Variants in EME2 observed in about 807,000 individuals in gnomAD.
EME2 encodes essential meiotic structure-specific endonuclease subunit 2.
In EME2, 58 loss-of-function variants were observed where a neutral mutation model predicts 41.9. That is an observed-to-expected ratio of 1.38 (90% CI 1.12 to 1.72). The LOEUF is 1.72. Ranked by LOEUF, EME2 falls within the 40% of genes most tolerant of loss-of-function variation. EME2 has a pLI of 0.00. For missense variants in EME2, 695 were observed against 541.9 expected, an observed-to-expected ratio of 1.28 and a Z score of -2.81; for synonymous variants, 334 against 239.3, an observed-to-expected ratio of 1.40 and a Z score of -3.65.
In EME2 at chr16:1,780,817, T is replaced by G; in HGVS notation, c.*4579T>G. 1 of 278,270 alleles carries G rather than the reference T, an allele frequency of 3.6e-6. No homozygotes were observed. The highest frequency in any genetic ancestry group is 7.1e-6 in the Non-Finnish European group (1 of 141,378). The allele number at this position is 278,270 out of a possible 1,614,324, so 17.2% of individuals were successfully genotyped here. A position where few individuals can be genotyped will look rare whatever the true frequency, so the allele number is the denominator to read the frequency against. On this transcript the variant is annotated 3_prime_UTR_variant, in exon 8 of 8. Transcript: ENST00000568449. ...GTGTGATCACGGCTCACTGCAGCCTTGACCTCCCTGGCTCAAGCAATCCTC... is the reference window on the plus strand; with the variant it reads ...GTGTGATCACGGCTCACTGCAGCCTGGACCTCCCTGGCTCAAGCAATCCTC...
At position 1,773,386 on chromosome 16, in the gene EME2, A is replaced by G; in HGVS notation, c.159A>G (p.Pro53=). The change falls in exon 1 of 8, where the codon CCA becomes CCG. Residue 53 remains proline (P), a synonymous_variant. Coordinates refer to ENST00000568449, the MANE Select transcript of EME2 (RefSeq NM_001257370.2). The part of the protein sequence containing the change: ...GSEAAARARD[P]AGERRAAAEA... ...AGGCCGCCGCGAGAGCCCGGGACCC[A>G]GCGGGTGAGCGCAGGGCGGCTGCCG... 3 of 1,554,932 alleles carry G rather than the reference A, an allele frequency of 1.9e-6. No individual in the cohort carries two copies. The highest frequency in any genetic ancestry group is 2.6e-6 in the Non-Finnish European group (3 of 1,160,170).
Position 1,776,520 on chromosome 16 carries a change from C to T in EME2, c.*282C>T, listed in dbSNP as rs934707548. 3 of 426,696 alleles carry T rather than the reference C, an allele frequency of 7.0e-6. No homozygotes were observed. The highest frequency in any genetic ancestry group is 7.7e-5 in the East Asian group (2 of 26,060). 26.4% of individuals were successfully genotyped at this position (426,696 alleles called of 1,614,324 possible). On this transcript the variant is annotated 3_prime_UTR_variant, in exon 8 of 8. Coordinates refer to ENST00000568449, the MANE Select transcript of EME2 (RefSeq NM_001257370.2). ...GCAGCAGGGCTGTGCCCCCCCAACA[C>T]ACACACACACTCGGCAGGGACCAGA...
Position 1,777,867 on chromosome 16 carries a change from G to A in EME2, c.*1629G>A, listed in dbSNP as rs1278598113. ...CTGGTCTTGTCGCCCTTGTGGTGGA[G>A]GAGGCCTGGGGGCAGCCAGGGTCGC... On this transcript the variant is annotated 3_prime_UTR_variant, in exon 8 of 8. Transcript: ENST00000568449. The A allele has an allele frequency of 1.2e-6, 2 of 1,612,436 alleles. No individual in the cohort carries two copies. The highest frequency in any genetic ancestry group is 2.2e-5 in the East Asian group (1 of 44,870).
Position 1,776,922 on chromosome 16 carries a change from C to T in EME2, c.*684C>T. On this transcript the variant is annotated 3_prime_UTR_variant, in exon 8 of 8. Coordinates refer to ENST00000568449, the MANE Select transcript of EME2 (RefSeq NM_001257370.2). Reference sequence around the variant, plus strand: ...CCCACCCAGCACAGCAGCAGAGGGGCCCTAGAGCCCCCACAGAAAGGACTG... The same window carrying T: ...CCCACCCAGCACAGCAGCAGAGGGGTCCTAGAGCCCCCACAGAAAGGACTG... The T allele has an allele frequency of 1.4e-6, 1 of 722,624 alleles. No homozygotes were observed. The allele number at this position is 722,624 out of a possible 1,614,324, so 44.8% of individuals were successfully genotyped here. A position where few individuals can be genotyped will look rare whatever the true frequency, so the allele number is the denominator to read the frequency against.
At position 1,777,141 on chromosome 16, in the gene EME2, G is replaced by C. The variant is rs146172097; in HGVS notation, c.*903G>C. On this transcript the variant is annotated 3_prime_UTR_variant, in exon 8 of 8. Coordinates refer to ENST00000568449, the MANE Select transcript of EME2 (RefSeq NM_001257370.2). ...TTCCTCTGGCAGGGCCGAGGCTCGC[G>C]ACTGCTGGGGTGGGCGGAGGTCGCT... The C allele has an allele frequency of 1.3e-3, 2,066 of 1,611,612 alleles. 6 individuals carry two copies. Among genetic ancestry groups the C allele is most frequent in the Non-Finnish European group, 1.6e-3 (1,902 of 1,179,768 alleles).
Position 1,772,946 on chromosome 16 carries a change from C to A in EME2, c.-282C>A. The A allele has an allele frequency of 6.9e-7, 1 of 1,445,556 alleles. No homozygotes were observed. The allele number at this position is 1,445,556 out of a possible 1,614,324, so 89.5% of individuals were successfully genotyped here. On this transcript the variant is annotated 5_prime_UTR_variant, in exon 1 of 8. Coordinates refer to ENST00000568449, the MANE Select transcript of EME2 (RefSeq NM_001257370.2). ...GCTGCAAGAGGCGGCTCTCGCGGCG[C>A]ACGTCGGCCCAGGCCCGGACCGGCA...
At chr16:1,773,562 G>A in intron 1 of EME2, 88 bp downstream of exon 1, 1 of 1,514,502 alleles carries the variant, frequency 6.6e-7, no homozygotes, top group Non-Finnish European at 8.8e-7. Flanking sequence ...CGGGGCGCGC[G>A]TGCCGAGGGG....
At chr16:1,774,455 G>A in intron 3 of EME2, 103 bp downstream of exon 3, 3 of 924,630 alleles carry the variant, frequency 3.2e-6, no homozygotes, top group South Asian at 1.4e-5. Flanking sequence ...CGGGGCTGGA[G>A]GGGGCATGGG....
Position 1,777,382 on chromosome 16 carries a change from G to A in EME2, c.*1144G>A, listed in dbSNP as rs758311181. 22 of 1,597,216 alleles carry A rather than the reference G, an allele frequency of 1.4e-5. No homozygotes were observed. In the East Asian group the frequency reaches 3.8e-4, roughly 28 times the overall value. On this transcript the variant is annotated 3_prime_UTR_variant, in exon 8 of 8. Transcript: ENST00000568449. ...AGCGGGTGACCTTCATGCTGCTCCG[G>A]GCCGCCGTGGAGCACACCATCGGGT... is the stretch of plus-strand genomic sequence containing the variant.
At position 1,781,305 on chromosome 16, in the gene EME2, G is replaced by A. The variant is rs1449483133; in HGVS notation, c.*5067G>A. On this transcript the variant is annotated 3_prime_UTR_variant, in exon 8 of 8. Transcript: ENST00000568449. ...CAGGTAATGTCTGCCTGCCTGCCTA[G>A]GGCATCTCCACACCTTAGGCCAGCC... 4 of 1,612,570 alleles carry A rather than the reference G, an allele frequency of 2.5e-6. No homozygotes were observed. The highest frequency in any genetic ancestry group is 3.4e-6 in the Non-Finnish European group (4 of 1,179,956).
rs1405732833 is a variant in EME2, at chr16:1,780,581, G to A, written c.*4343G>A. 1 of 152,996 alleles carries A rather than the reference G, an allele frequency of 6.5e-6. No homozygotes were observed. Among genetic ancestry groups the A allele is most frequent in the African/African-American group, 2.4e-5 (1 of 41,466 alleles). 9.5% of individuals were successfully genotyped at this position (152,996 alleles called of 1,614,324 possible). ...CAAGTGCAGAAATTTTTACCTTCAA[G>A]GATCAGGGTTTTTCTGTTTGTTTGT... is the stretch of plus-strand genomic sequence containing the variant. On this transcript the variant is annotated 3_prime_UTR_variant, in exon 8 of 8. Transcript: ENST00000568449.
chr16:1,775,596 A>T lies in EME2; in HGVS notation c.691A>T (p.Asn231Tyr). The change falls in exon 6 of 8, where the codon AAC becomes TAC. Residue 231 changes from asparagine to tyrosine, a missense_variant. Transcript: ENST00000568449. ...EALVLLQLWA[N>Y]LDVLLVASWQ... ...CCTGGTACTCCTGCAGCTCTGGGCAAACCTGGACGTGCTACTGGTGGCCTC... is the reference window on the plus strand; with the variant it reads ...CCTGGTACTCCTGCAGCTCTGGGCATACCTGGACGTGCTACTGGTGGCCTC... The T allele has an allele frequency of 6.2e-7, 1 of 1,612,860 alleles. No individual in the cohort carries two copies.
rs766688415 is a variant in EME2 at position 1,777,288 on chromosome 16, C to G, written c.*1050C>G. The G allele has an allele frequency of 6.2e-7, 1 of 1,610,342 alleles. No homozygotes were observed. Among genetic ancestry groups the G allele is most frequent in the South Asian group, 1.1e-5 (1 of 91,060 alleles). On this transcript the variant is annotated 3_prime_UTR_variant, in exon 8 of 8. Coordinates refer to ENST00000568449, the MANE Select transcript of EME2 (RefSeq NM_001257370.2). ...AGCGGCAGACCCTCCAGCGTGTCTC[C>G]CGAGTCTGGCCGCAGCTGGCGCAGG...
chr16:1,772,911 C>G lies in EME2; in HGVS notation c.-317C>G. The stretch of plus-strand genomic sequence containing the variant: ...GCGGCCCAGGCCGAAGAGCGGGAGG[C>G]GGCCGAGCAGCTGCAAGAGGCGGCT... On this transcript the variant is annotated 5_prime_UTR_variant, in exon 1 of 8. Transcript: ENST00000568449. 6.9e-7 allele frequency: 1 copy of G among 1,448,080 alleles called. No individual in the cohort carries two copies. The highest frequency in any genetic ancestry group is 9.0e-7 in the Non-Finnish European group (1 of 1,107,022). The allele number at this position is 1,448,080 out of a possible 1,614,324, so 89.7% of individuals were successfully genotyped here.
At chr16:1,773,498 A>G (rs773791549) in intron 1 of EME2, 24 bp downstream of exon 1, 4 of 1,575,908 alleles carry the variant, frequency 2.5e-6, no homozygotes, top group South Asian at 1.1e-5. Flanking sequence ...CACGGGCGAT[A>G]CTCGGGGTAG....
chr16:1,774,137 C>A (rs9924596), intron 2 of EME2, 123 bp from the exon 3 acceptor site: 1 of 878,078 alleles, frequency 1.1e-6, no homozygotes, highest in East Asian at 2.5e-5. Flanking sequence ...TTCTGTAGAG[C>A]AGGCCTGTCA....
Position 1,781,344 on chromosome 16 carries a change from C to T in EME2, c.*5106C>T. 6.2e-7 allele frequency: 1 copy of T among 1,612,936 alleles called. No individual in the cohort carries two copies. The highest frequency in any genetic ancestry group is 2.2e-5 in the East Asian group (1 of 44,886). On this transcript the variant is annotated 3_prime_UTR_variant, in exon 8 of 8. Coordinates refer to ENST00000568449, the MANE Select transcript of EME2 (RefSeq NM_001257370.2). ...CTTAGGCCAGCCACGTCCGCCTCGC[C>T]CGCTGGAACCTACCTGCCCATCAGA...
At position 1,777,502 on chromosome 16, in the gene EME2, A is replaced by G. The variant is rs1444171980; in HGVS notation, c.*1264A>G. 4.2e-6 allele frequency: 6 copies of G among 1,434,034 alleles called. No individual in the cohort carries two copies. Among genetic ancestry groups the G allele is most frequent in the Middle Eastern group, 2.4e-4 (1 of 4,088 alleles). The allele number at this position is 1,434,034 out of a possible 1,614,324, so 88.8% of individuals were successfully genotyped here. ...AGGGAAGGGGCCAGCTACTGGGCGC[A>G]GCCCCTCAGACCTCACGCTACAGTC... On this transcript the variant is annotated 3_prime_UTR_variant, in exon 8 of 8. Coordinates refer to ENST00000568449, the MANE Select transcript of EME2 (RefSeq NM_001257370.2).
rs766688415 is a variant in EME2 at position 1,777,288 on chromosome 16, C to T, written c.*1050C>T. ...AGCGGCAGACCCTCCAGCGTGTCTC[C>T]CGAGTCTGGCCGCAGCTGGCGCAGG... On this transcript the variant is annotated 3_prime_UTR_variant, in exon 8 of 8. Transcript: ENST00000568449. 7 of 1,610,342 alleles carry T rather than the reference C, an allele frequency of 4.3e-6. No homozygotes were observed. The East Asian group carries it at 1.6e-4, about 36-fold the overall frequency.
Sources: allele counts gnomAD v4.1 joint callset, GRCh38; gene constraint gnomAD v4.1.1; transcripts MANE v1.5; gene names NCBI Gene and HGNC (gene_info 2026-07-23, HGNC 2026-07-21).